COQ8B: variants seen among roughly 807,000 people sequenced by gnomAD.
COQ8B encodes the protein coenzyme Q8B, also known as atypical kinase COQ8B, mitochondrial.
A neutral mutation model predicts 62.0 loss-of-function variants in COQ8B; 44 were observed. That is an observed-to-expected ratio of 0.71 (90% CI 0.56 to 0.91). COQ8B has a LOEUF of 0.91. COQ8B is among the 40% of genes least tolerant of loss of function. The pLI, the probability that COQ8B is intolerant of heterozygous loss-of-function variation, is 0.00. For missense variants in COQ8B, 649 were observed against 731.6 expected (o/e 0.89, Z 1.30); for synonymous variants, 252 against 289.9 (o/e 0.87, Z 1.33).
intron 12 of COQ8B, among the ~76,000 whole-genome samples, chr19:40,697,851 T>TATAGAGAGAGAGAGAGAGAGAGAG (rs1446181673): frequency 3.5e-4 from 19 of 54,722 alleles, no homozygotes; most frequent in African/African-American, 4.9e-4. Flanking sequence ...TATATATATA[T>TATAGAGAGAGAGAGAGAGAGAGAG]AGAGAGAGAG....
intron 12 of COQ8B, among the ~76,000 whole-genome samples, chr19:40,698,538 CAAA>C (rs768504379): frequency 7.8e-6 from 1 of 128,826 alleles, no homozygotes; most frequent in Non-Finnish European, 1.7e-5. Context: ...AACTCTGTCT[CAAA>C]AAAAAAAAAA....
At chr19:40,698,987 C>T (rs2082040310) in intron 12 of COQ8B, among the ~76,000 whole-genome samples, 1 of 151,014 alleles carries the variant, frequency 6.6e-6, no homozygotes, top group Non-Finnish European at 1.5e-5. Context: ...TTCCCCTGTC[C>T]CATCTCAGCC....
In COQ8B at chr19:40,705,189, G is replaced by C. The variant is rs545319604; in HGVS notation, c.491-8C>G. The stretch of plus-strand genomic sequence containing the variant: ...GGCTGATGAAGCTGTTGTCTTGGGA[G>C]ACAGTGGAACCAGGGGGGAAGTAAG... On this transcript the variant is annotated splice_region_variant and splice_polypyrimidine_tract_variant and intron_variant, in intron 6 of 14. Coordinates refer to ENST00000324464, the MANE Select transcript of COQ8B (RefSeq NM_024876.4). 8 of 1,613,010 alleles carry C rather than the reference G, an allele frequency of 5.0e-6. No homozygotes were observed. In the African/African-American group the frequency reaches 6.7e-5, roughly 13 times the overall value.
intron 4 of COQ8B, among the ~76,000 whole-genome samples, chr19:40,712,772 T>C (rs989266922): frequency 3.9e-5 from 6 of 152,264 alleles, no homozygotes; most frequent in Admixed American, 2.0e-4. Flanking sequence ...AATTATTTCA[T>C]GTGACTTGCA....
Position 40,703,543 on chromosome 19 carries a change from G to A in COQ8B, c.797C>T (p.Ala266Val), listed in dbSNP as rs766618659. ...AVLKMSAALP[A>V]GLFAEQSLQA... Reference sequence around the variant, plus strand: ...AGAGGAGTGGGTGGGCGCCTCACCCGCGGGCAGGGCCGCGCTCATCTTGAG... The same window carrying A: ...AGAGGAGTGGGTGGGCGCCTCACCCACGGGCAGGGCCGCGCTCATCTTGAG... Residue 266 changes from alanine to valine, a missense_variant and splice_region_variant, in exon 9 of 15, where the codon GCG (alanine) becomes GTG (valine). Ala to Val is a moderately conservative substitution (Grantham distance 64). Transcript: ENST00000324464. The A allele has an allele frequency of 2.8e-5, 44 of 1,598,474 alleles. No individual in the cohort carries two copies. The Middle Eastern group carries it at 1.2e-3, about 43-fold the overall frequency.
intron 7 of COQ8B, 150 bp downstream of exon 7, chr19:40,704,946 T>G: frequency 2.8e-6 from 2 of 709,284 alleles, no homozygotes; most frequent in Non-Finnish European, 2.3e-6. Flanking sequence ...ACAGCAATGC[T>G]AGGAGGTGTG....
chr19:40,704,108 T>C (rs1270232472), intron 7 of COQ8B: 23 of 456,452 alleles, frequency 5.0e-5, no homozygotes, highest in Non-Finnish European at 8.5e-5. Context: ...TGGGCTGTTG[T>C]GGGGATTGCT....
At chr19:40,711,154 C>T (rs2082138772) in intron 4 of COQ8B, among the ~76,000 whole-genome samples, 1 of 151,702 alleles carries the variant, frequency 6.6e-6, no homozygotes, top group African/African-American at 2.4e-5. Context: ...AAAAAGAAGG[C>T]CCCGAAACAA....
rs550412147 is a variant in COQ8B, at chr19:40,709,964, C to T, written c.367+95G>A. On this transcript the variant is annotated intron_variant, in intron 5 of 14. Coordinates refer to ENST00000324464, the MANE Select transcript of COQ8B (RefSeq NM_024876.4). ...GTAAATTATCACCACCTCCATCTTC[C>T]GCATGAGGAAACTGGAGCTCAGAGG... 2.0e-4 allele frequency: 266 copies of T among 1,308,648 alleles called. No homozygotes were observed. In the African/African-American group the frequency reaches 3.5e-3, roughly 17 times the overall value. 81.1% of individuals were successfully genotyped at this position (1,308,648 alleles called of 1,614,324 possible). A position where few individuals can be genotyped will look rare whatever the true frequency, so the allele number is the denominator to read the frequency against.
chr19:40,700,708 C>T, intron 10 of COQ8B: 1 of 490,190 alleles, frequency 2.0e-6, no homozygotes, highest in Middle Eastern at 5.5e-4. Context: ...CACCACTTCC[C>T]TACCCGAAAC....
chr19:40,693,581 T>C (rs565125885), intron 13 of COQ8B, among the ~76,000 whole-genome samples: 24 of 151,874 alleles, frequency 1.6e-4, no homozygotes, highest in Admixed American at 9.8e-4. Flanking sequence ...AGGGCAGGAG[T>C]TGTGGGCATG....
rs778932483 is a variant in COQ8B at position 40,714,358 on chromosome 19, C to T, written c.142G>A (p.Asp48Asn). 2.5e-6 allele frequency: 4 copies of T among 1,614,018 alleles called. No homozygotes were observed. Among genetic ancestry groups the T allele is most frequent in the Admixed American group, 3.3e-5 (2 of 59,994 alleles). The change falls in exon 3 of 15, where the codon GAT becomes AAT. Residue 48 changes from aspartate (D) to asparagine (N), a missense_variant. Asp to Asn is a conservative substitution (Grantham distance 23). Transcript: ENST00000324464. The stretch of plus-strand genomic sequence containing the variant: ...TCACCCAGGCCTCTCCCAGGCCCAT[C>T]CTGGTAAAACTTTTGGGCCCAAGAA... ...GGSWAQKFYQ[D>N]GPGRGLGEED...
At position 40,714,127 on chromosome 19, in the gene COQ8B, C is replaced by T. The variant is rs775935475; in HGVS notation, c.229G>A (p.Asp77Asn). The change falls in exon 4 of 15, where the codon GAC (aspartate) becomes AAC (asparagine). Residue 77 changes from aspartate (D) to asparagine (N), a missense_variant. Asp to Asn is a conservative substitution (Grantham distance 23, BLOSUM62 1). Coordinates refer to ENST00000324464, the MANE Select transcript of COQ8B (RefSeq NM_024876.4). ...PRKTPRPQLS[D>N]RSRERKVPAS... ...GGCACCTTGCGTTCTCGAGAGCGGT[C>T]ACTCAGCTGGGAAATGGGGACAAGG... is the stretch of plus-strand genomic sequence containing the variant. The T allele has an allele frequency of 6.2e-7, 1 of 1,614,154 alleles. No individual in the cohort carries two copies. The highest frequency in any genetic ancestry group is 1.1e-5 in the South Asian group (1 of 91,056).
chr19:40,716,097 C>A (rs2082183460), intron 1 of COQ8B: 1 of 152,294 alleles, frequency 6.6e-6, no homozygotes. Flanking sequence ...CCTCATCCCT[C>A]TCTGGACTTC....
At chr19:40,697,875 G>GAGAGAGAGGC (rs58313890) in intron 12 of COQ8B, among the ~76,000 whole-genome samples, 1,403 of 102,912 alleles carry the variant, frequency 0.014, 53 homozygotes, top group African/African-American at 0.016. Context: ...GAGAGAGAGA[G>GAGAGAGAGGC]AGTTTCTACT....
At chr19:40,697,878 T>TGAG (rs1291467876) in intron 12 of COQ8B, among the ~76,000 whole-genome samples, 1 of 31,100 alleles carries the variant, frequency 3.2e-5, no homozygotes, top group African/African-American at 1.5e-4. Flanking sequence ...AGAGAGAGAG[T>TGAG]TTCTACTGGG....
intron 4 of COQ8B, 69 bp downstream of exon 4, chr19:40,713,998 T>C: frequency 6.5e-7 from 1 of 1,532,926 alleles, no homozygotes; most frequent in Non-Finnish European, 9.0e-7. Flanking sequence ...ATCCTCTCCC[T>C]TGCTTCAATC....
intron 2 of COQ8B, 39 bp from the exon 3 acceptor site, chr19:40,714,436 G>T (rs1179562352): frequency 6.2e-7 from 1 of 1,612,464 alleles, no homozygotes; most frequent in African/African-American, 1.3e-5. Context: ...GGAGGACATG[G>T]GATCACCTGG....
chr19:40,714,775 C>G (rs2082171965), intron 1 of COQ8B, 140 bp from the exon 2 acceptor site: 1 of 1,313,642 alleles, frequency 7.6e-7, no homozygotes, highest in African/African-American at 1.5e-5. Flanking sequence ...CACAGTTTCT[C>G]CTGGTTCTCC....
Sources: allele counts gnomAD v4.1 joint callset (sites outside exome capture counted in the v4.1 genomes callset), GRCh38; gene constraint gnomAD v4.1.1; transcripts MANE v1.5; gene names NCBI Gene and HGNC (gene_info 2026-07-23, HGNC 2026-07-21).